Variants in TMEM272 observed in about 807,000 individuals in gnomAD.
TMEM272 encodes the protein long intergenic non-protein coding RNA 282.
A neutral mutation model predicts 3.7 loss-of-function variants in TMEM272; 8 were observed. The observed-to-expected ratio is 2.17, with a 90% CI of 1.27 to 3.91. TMEM272 has a LOEUF of 3.91. Among genes scored for constraint, TMEM272 ranks in the 30% most tolerant of loss-of-function variants. TMEM272 has a pLI of 0.00. For synonymous variants in TMEM272, 63 were observed against 39.8 expected, an observed-to-expected ratio of 1.58 and a Z score of -2.20; for missense variants, 166 against 91.5, an observed-to-expected ratio of 1.81 and a Z score of -3.32.
chr13:51,851,858 C>T, the TMEM272 span, among the ~76,000 whole-genome samples: 1 of 152,180 alleles, frequency 6.6e-6, no homozygotes, highest in Non-Finnish European at 1.5e-5. Flanking sequence ...TAGTACTTTG[C>T]TCTGTGGATG....
the TMEM272 span, among the ~76,000 whole-genome samples, chr13:51,876,710 G>A: frequency 6.6e-6 from 1 of 152,154 alleles, no homozygotes; most frequent in Non-Finnish European, 1.5e-5. Flanking sequence ...GTGTAAATTT[G>A]TAATTAGGTA....
upstream of TMEM272, among the ~76,000 whole-genome samples, chr13:51,846,884 A>G (rs1956309616): frequency 6.6e-6 from 1 of 152,246 alleles, no homozygotes. Flanking sequence ...TTTTTAATAA[A>G]TGTAGTGTAG....
the TMEM272 span, among the ~76,000 whole-genome samples, chr13:51,854,919 T>C: frequency 6.6e-6 from 1 of 152,168 alleles, no homozygotes; most frequent in Non-Finnish European, 1.5e-5. Flanking sequence ...AGTACTGCAC[T>C]AGGTAAAGGC....
chr13:51,867,343 A>C, the TMEM272 span, among the ~76,000 whole-genome samples: 6 of 152,150 alleles, frequency 3.9e-5, no homozygotes, highest in Admixed American at 3.9e-4. Context: ...CAGGACCAAA[A>C]CCCACAGTGT....
upstream of TMEM272, among the ~76,000 whole-genome samples, chr13:51,848,320 C>T (rs1956316533): frequency 6.6e-6 from 1 of 152,118 alleles, no homozygotes; most frequent in African/African-American, 2.4e-5. Flanking sequence ...CATATGGCTA[C>T]TAAGTGTGTA....
the TMEM272 span, among the ~76,000 whole-genome samples, chr13:51,900,685 T>C: frequency 6.6e-6 from 1 of 151,778 alleles, no homozygotes; most frequent in African/African-American, 2.4e-5. Context: ...TTATTCATAG[T>C]AGCCAAAAAA....
the TMEM272 span, among the ~76,000 whole-genome samples, chr13:51,884,055 T>A: frequency 6.6e-6 from 1 of 152,194 alleles, no homozygotes; most frequent in African/African-American, 2.4e-5. Context: ...TCAATTACCA[T>A]CAATAAGTGA....
chr13:51,867,818 T>C, the TMEM272 span, among the ~76,000 whole-genome samples: 1 of 152,080 alleles, frequency 6.6e-6, no homozygotes, highest in African/African-American at 2.4e-5. Context: ...GAGAATTCGA[T>C]TTCAAGAGGG....
the TMEM272 span, chr13:51,932,359 CAG>C: frequency 6.6e-6 from 1 of 152,352 alleles, no homozygotes; most frequent in African/African-American, 2.4e-5. Context: ...CACCCTAGAA[CAG>C]AGGGGTGCAA....
intron 1 of TMEM272, among the ~76,000 whole-genome samples, chr13:51,840,817 T>A (rs1279050280): frequency 2.0e-5 from 3 of 152,222 alleles, no homozygotes; most frequent in African/African-American, 7.2e-5. Flanking sequence ...GGCTGTGATG[T>A]CCTTATACAC....
the TMEM272 span, among the ~76,000 whole-genome samples, chr13:51,876,456 C>T: frequency 2.0e-5 from 3 of 152,200 alleles, no homozygotes; most frequent in Admixed American, 2.0e-4. Context: ...TAATCATTAC[C>T]TATGCACAGA....
the TMEM272 span, among the ~76,000 whole-genome samples, chr13:51,919,211 CT>C: frequency 6.6e-6 from 1 of 152,152 alleles, no homozygotes; most frequent in South Asian, 2.1e-4. Context: ...TAGTCCTGCC[CT>C]CTCTACAAAC....
At chr13:51,909,442 G>A in the TMEM272 span, 2 of 875,016 alleles carry the variant, frequency 2.3e-6, no homozygotes, top group African/African-American at 1.6e-5. Context: ...TTCCTGTAGA[G>A]TTTCATTTCA....
the TMEM272 span, among the ~76,000 whole-genome samples, chr13:51,877,701 T>C: frequency 1.3e-5 from 2 of 152,244 alleles, no homozygotes; most frequent in African/African-American, 2.4e-5. Context: ...ATTTAGACAA[T>C]GAAGATATTA....
At chr13:51,917,774 A>G in the TMEM272 span, among the ~76,000 whole-genome samples, 2 of 152,224 alleles carry the variant, frequency 1.3e-5, no homozygotes, top group East Asian at 1.9e-4. Flanking sequence ...AAGTGCCTGC[A>G]GCAGCTACCC....
the TMEM272 span, among the ~76,000 whole-genome samples, chr13:51,854,285 G>A: frequency 1.3e-5 from 2 of 152,178 alleles, no homozygotes; most frequent in African/African-American, 4.8e-5. Context: ...GTGAATCACT[G>A]AGGATCCCAA....
At chr13:51,897,870 T>C in the TMEM272 span, among the ~76,000 whole-genome samples, 2 of 129,312 alleles carry the variant, frequency 1.5e-5, no homozygotes, top group Non-Finnish European at 3.1e-5. Context: ...GAGGTTGCAG[T>C]GAGCCAAGAT....
chr13:51,847,571 G>A (rs538315667), upstream of TMEM272, among the ~76,000 whole-genome samples: 59 of 152,292 alleles, frequency 3.9e-4, no homozygotes, highest in South Asian at 0.011. Flanking sequence ...CAAAATTGCC[G>A]AATGTCACAT....
chr13:51,853,895 T>A, the TMEM272 span, among the ~76,000 whole-genome samples: 1 of 152,194 alleles, frequency 6.6e-6, no homozygotes, highest in Non-Finnish European at 1.5e-5. Context: ...TATGGTTGAT[T>A]TTCATTTTCT....
Sources: gnomAD v4.1 joint callset for allele counts (sites outside exome capture counted in the v4.1 genomes callset) on GRCh38, gnomAD v4.1.1 for gene constraint, MANE v1.5 for transcripts, NCBI Gene and HGNC (gene_info 2026-07-23, HGNC 2026-07-21) for gene names.